Variants in KAT14 observed in about 807,000 individuals in gnomAD.
KAT14 encodes the protein cysteine-rich protein 2-binding protein.
KAT14 carries 66 observed loss-of-function variants against 78.4 expected under a neutral mutation model. The ratio of observed to expected loss-of-function variants is 0.84; its 90% CI spans 0.69 to 1.03. The LOEUF (loss-of-function observed/expected upper bound fraction) is 1.03. KAT14 is among the 50% of genes least tolerant of loss of function. KAT14 has a pLI of 0.00. For synonymous variants in KAT14, 344 were observed against 359.4 expected (o/e 0.96, Z 0.48); for missense variants, 870 against 972.5 (o/e 0.89, Z 1.40).
chr20:18,173,577 A>G (rs895498000), intron 7 of KAT14, among the ~76,000 whole-genome samples: 4 of 148,266 alleles, frequency 2.7e-5, no homozygotes, highest in African/African-American at 9.9e-5. Context: ...TTCCTCCTTT[A>G]TCTTTTCCTC....
intron 7 of KAT14, among the ~76,000 whole-genome samples, chr20:18,168,384 C>T (rs1203073260): frequency 6.6e-6 from 1 of 152,036 alleles, no homozygotes; most frequent in East Asian, 1.9e-4. Context: ...AAAAATTAGC[C>T]AGGCCTGGTG....
chr20:18,170,440 A>C (rs1483944236), intron 7 of KAT14, among the ~76,000 whole-genome samples: 5 of 152,202 alleles, frequency 3.3e-5, no homozygotes, highest in Admixed American at 3.3e-4. Context: ...GTGCTCTATA[A>C]ATATAGCAGC....
chr20:18,145,018 T>C, intron 2 of KAT14: 3 of 1,161,906 alleles, frequency 2.6e-6, no homozygotes, highest in Non-Finnish European at 3.3e-6. Flanking sequence ...CTCCTAAAAG[T>C]TACTGGATCC....
In KAT14 at chr20:18,145,342, A is replaced by G. The variant is rs944566015; in HGVS notation, c.369A>G (p.Thr123=). The change falls in exon 3 of 11, where the codon ACA becomes ACG. Residue 123 remains threonine, a synonymous_variant. Transcript: ENST00000688188. ...AGCAGTATGAAAGGCTGAAGCTGAC[A>G]TGGCAGCAAGTGAGTAAAAAGCCCT... ...GKEQYERLKL[T]WQQVVMLAMY... is the part of the protein sequence containing the mutation. 3.4e-5 allele frequency: 55 copies of G among 1,614,050 alleles called. No homozygotes were observed. Among genetic ancestry groups the G allele is most frequent in the Middle Eastern group, 1.6e-4 (1 of 6,084 alleles).
At chr20:18,172,651 G>A (rs538729468) in intron 7 of KAT14, among the ~76,000 whole-genome samples, 7 of 152,264 alleles carry the variant, frequency 4.6e-5, no homozygotes, top group South Asian at 2.1e-4. Context: ...GCAGTGGTCT[G>A]GCACTGATCC....
At chr20:18,174,664 T>C (rs996053731) in intron 7 of KAT14, among the ~76,000 whole-genome samples, 1 of 112,470 alleles carries the variant, frequency 8.9e-6, no homozygotes, top group Admixed American at 1.1e-4. Context: ...CTTGCTTTTT[T>C]TTTTATTTTT....
chr20:18,137,258 C>T (rs549545745), upstream of KAT14, among the ~76,000 whole-genome samples: 483 of 152,018 alleles, frequency 3.2e-3, 5 homozygotes, highest in African/African-American at 0.011. Flanking sequence ...CACTGCACTC[C>T]AGCCTGGGCG....
intron 1 of KAT14, among the ~76,000 whole-genome samples, chr20:18,141,051 T>G (rs113685877): frequency 0.19 from 20,423 of 109,298 alleles, 1,817 homozygotes; most frequent in Middle Eastern, 0.22. Context: ...TTTTTTATTT[T>G]TATTTTTGCT....
rs1568675832 is a variant in KAT14 at position 18,183,171 on chromosome 20, T to A, written c.1854T>A (p.Ile618=). The A allele has an allele frequency of 1.2e-6, 2 of 1,613,704 alleles. No individual in the cohort carries two copies. The highest frequency in any genetic ancestry group is 3.3e-5 in the Admixed American group (2 of 59,952). Residue 618 remains isoleucine (I), a synonymous_variant, in exon 9 of 11, where the codon ATT becomes ATA. Coordinates refer to ENST00000688188, the MANE Select transcript of KAT14 (RefSeq NM_001392073.1). ...KPPKLQLLSQ[I]RSHLHRSDPH... is the part of the protein sequence containing the mutation. ...CCAAACTGCAGCTCCTGTCACAGAT[T>A]CGTTCCCACCTGCACAGGAGCGACC...
intron 1 of KAT14, chr20:18,138,387 G>T: frequency 9.5e-7 from 1 of 1,048,294 alleles, no homozygotes; most frequent in African/African-American, 1.7e-5. Flanking sequence ...TCAAGTCACA[G>T]CCGGCCCGCA....
At position 18,162,732 on chromosome 20, in the gene KAT14, G is replaced by A. The variant is rs375037838; in HGVS notation, c.1455G>A (p.Pro485=). The A allele has an allele frequency of 5.5e-5, 88 of 1,614,084 alleles. No individual in the cohort carries two copies. The highest frequency in any genetic ancestry group is 6.7e-5 in the Admixed American group (4 of 59,994). Residue 485 remains proline (P), a synonymous_variant, in exon 7 of 11, where the codon CCG becomes CCA. Transcript: ENST00000688188. The part of the protein sequence containing the change: ...EACPGAVAMT[P]EARRLKRKLI... ...GTCCCGGTGCTGTTGCCATGACTCC[G>A]GAAGCTCGGAGACTGAAACGCAAAC...
intron 1 of KAT14, among the ~76,000 whole-genome samples, chr20:18,139,016 A>G (rs1289719772): frequency 6.6e-6 from 1 of 152,206 alleles, no homozygotes; most frequent in East Asian, 1.9e-4. Flanking sequence ...ATCAAGAGTA[A>G]ACAGTCTTTT....
chr20:18,181,801 G>C lies in KAT14; in HGVS notation c.1760G>C (p.Ser587Thr), dbSNP rs183354585. ...VGSEDMAVDQ[S>T]IVSPYTSRIL... ...TCAGAAGATATGGCTGTGGACCAGA[G>C]TATTGTCAGCCCTTATACCTCTCGG... is the stretch of plus-strand genomic sequence containing the variant. The change falls in exon 8 of 11, where the codon AGT becomes ACT. Residue 587 changes from serine to threonine, a missense_variant. Coordinates refer to ENST00000688188, the MANE Select transcript of KAT14 (RefSeq NM_001392073.1). 127 of 1,614,192 alleles carry C rather than the reference G, an allele frequency of 7.9e-5. 2 individuals are homozygous for C. In the Middle Eastern group the frequency reaches 1.3e-3, roughly 17 times the overall value.
intron 1 of KAT14, among the ~76,000 whole-genome samples, chr20:18,140,818 C>CA (rs1157203058): frequency 0.39 from 30,854 of 78,632 alleles, 5,887 homozygotes; most frequent in East Asian, 0.64. Flanking sequence ...GACTCCTTCT[C>CA]AAAAAAAAAA....
At position 18,187,465 on chromosome 20, in the gene KAT14, A is replaced by G. The variant is rs1446165669; in HGVS notation, c.*6A>G. The G allele has an allele frequency of 6.2e-6, 10 of 1,613,786 alleles. No individual in the cohort carries two copies. In the Admixed American group the frequency reaches 1.7e-4, roughly 27 times the overall value. On this transcript the variant is annotated 3_prime_UTR_variant, in exon 11 of 11. Transcript: ENST00000688188. Reference sequence around the variant, plus strand: ...TTCTGAGGCTCCGGCGCTGATGCGAATACAGCTCACAGAGAAACGCATGTG... The same window carrying G: ...TTCTGAGGCTCCGGCGCTGATGCGAGTACAGCTCACAGAGAAACGCATGTG...
At position 18,187,606 on chromosome 20, in the gene KAT14, A is replaced by G; in HGVS notation, c.*147A>G. 1 of 1,341,912 alleles carries G rather than the reference A, an allele frequency of 7.5e-7. No individual in the cohort carries two copies. Among genetic ancestry groups the G allele is most frequent in the Non-Finnish European group, 1.0e-6 (1 of 1,002,744 alleles). 83.1% of individuals were successfully genotyped at this position (1,341,912 alleles called of 1,614,324 possible). On this transcript the variant is annotated 3_prime_UTR_variant, in exon 11 of 11. Coordinates refer to ENST00000688188, the MANE Select transcript of KAT14 (RefSeq NM_001392073.1). ...TCCCAACCAAAGTGAGAAAAGCGGC[A>G]TGCAGTGAAATGAGCAGTGAGCAGC...
intron 1 of KAT14, among the ~76,000 whole-genome samples, chr20:18,139,981 A>T (rs983802091): frequency 6.6e-6 from 1 of 152,186 alleles, no homozygotes; most frequent in Admixed American, 6.5e-5. Flanking sequence ...ATTAGTAAGG[A>T]AAGTTGTTAG....
At position 18,142,575 on chromosome 20, in the gene KAT14, G is replaced by C; in HGVS notation, c.-86G>C. 1 of 1,566,196 alleles carries C rather than the reference G, an allele frequency of 6.4e-7. No homozygotes were observed. The highest frequency in any genetic ancestry group is 1.3e-5 in the African/African-American group (1 of 74,242). ...ACTTTTTGGAAGAGTCTGTCTGGGT[G>C]ATCCTGGTAGAAGCCCCATTAGGGT... On this transcript the variant is annotated 5_prime_UTR_variant, in exon 2 of 11. Transcript: ENST00000688188.
intron 7 of KAT14, among the ~76,000 whole-genome samples, chr20:18,181,152 A>T (rs114855514): frequency 0.11 from 16,575 of 152,112 alleles, 956 homozygotes; most frequent in Middle Eastern, 0.18. Flanking sequence ...GTTAAAAAAA[A>T]TTTTTAAATG....
Sources: gnomAD v4.1 joint callset for allele counts (sites outside exome capture counted in the v4.1 genomes callset) on GRCh38, gnomAD v4.1.1 for gene constraint, MANE v1.5 for transcripts, NCBI Gene and HGNC (gene_info 2026-07-23, HGNC 2026-07-21) for gene names.